TTN: variants seen among roughly 807,000 people sequenced by gnomAD.
TTN encodes the protein titin.
TTN carries 1,525 observed loss-of-function variants against 3,223.0 expected under a neutral mutation model. The observed-to-expected ratio is 0.47, with a 90% CI of 0.45 to 0.49. TTN has a LOEUF of 0.49. TTN is among the 20% of genes least tolerant of loss of function. The pLI, the probability that TTN is intolerant of heterozygous loss-of-function variation, is 0.00. For missense variants in TTN, 40,786 were observed against 43,424.0 expected, an observed-to-expected ratio of 0.94 and a Z score of 5.40; for synonymous variants, 14,094 against 15,161.0, an observed-to-expected ratio of 0.93 and a Z score of 5.17.
Position 178,783,722 on chromosome 2 carries a change from A to G in TTN, c.2839T>C (p.Ser947Pro). The G allele has an allele frequency of 6.2e-7, 1 of 1,613,516 alleles. No homozygotes were observed. The highest frequency in any genetic ancestry group is 8.5e-7 in the Non-Finnish European group (1 of 1,179,638). Reference sequence around the variant, plus strand: ...GCATTATCAACTTCTTTACTCACCGAGACCAAAGTTGGTGGAGTAACAGGA... The same window carrying G: ...GCATTATCAACTTCTTTACTCACCGGGACCAAAGTTGGTGGAGTAACAGGA... ...EIPVTPPTLV[S>P]GLKNVTVIEG... Residue 947 changes from serine (S) to proline (P), a missense_variant and splice_region_variant, in exon 17 of 363, where the codon TCG becomes CCG. Ser to Pro is a moderately conservative substitution (Grantham distance 74, BLOSUM62 -1). Coordinates refer to ENST00000589042, the MANE Select transcript of TTN (RefSeq NM_001267550.2).
chr2:178,544,549 G>C, intron 344 of TTN, 43 bp from the exon 345 acceptor site: 1 of 1,513,508 alleles, frequency 6.6e-7, no homozygotes, highest in Non-Finnish European at 9.0e-7. Flanking sequence ...AGGCAAATAA[G>C]GAAATGTTGA....
rs1298527822 is a variant in TTN at position 178,622,665 on chromosome 2, C to G, written c.44913+5G>C. On this transcript the variant is annotated splice_donor_5th_base_variant and intron_variant, in intron 243 of 362. Coordinates refer to ENST00000589042, the MANE Select transcript of TTN (RefSeq NM_001267550.2). Reference sequence around the variant, plus strand: ...GTACAAGATGACAGGTATACAGTCACAGACCTTAGCATTTTCTCGGGAAAG... The same window carrying G: ...GTACAAGATGACAGGTATACAGTCAGAGACCTTAGCATTTTCTCGGGAAAG... 2 of 1,600,290 alleles carry G rather than the reference C, an allele frequency of 1.2e-6. No homozygotes were observed. The highest frequency in any genetic ancestry group is 3.4e-5 in the Admixed American group (2 of 58,828).
At chr2:178,694,197 C>G (rs2073141482) in intron 117 of TTN, among the ~76,000 whole-genome samples, 189 bp from the exon 118 acceptor site, 1 of 152,056 alleles carries the variant, frequency 6.6e-6, no homozygotes, top group African/African-American at 2.4e-5. Flanking sequence ...ATGCATGCAG[C>G]CTTCATCAAA....
chr2:178,665,877 G>T, intron 163 of TTN, 86 bp from the exon 164 acceptor site: 1 of 605,216 alleles, frequency 1.7e-6, no homozygotes, highest in Non-Finnish European at 2.4e-6. Flanking sequence ...GAACATTCCA[G>T]ATGGGAACCT....
At position 178,604,273 on chromosome 2, in the gene TTN, C is replaced by G; in HGVS notation, c.54414G>C (p.Glu18138Asp). The change falls in exon 282 of 363, where the codon GAG becomes GAC. Residue 18138 changes from glutamate (E) to aspartate (D), a missense_variant. Glu to Asp is a conservative substitution (Grantham distance 45, BLOSUM62 2). Transcript: ENST00000589042. ...IWKLIPNGQYEFRVRAVNKYG... is the reference protein window; with the variant it reads ...IWKLIPNGQYDFRVRAVNKYG... Reference sequence around the variant, plus strand: ...ATTTATTCACTGCCCTGACTCGGAACTCATACTGACCATTGGGGATAAGTT... The same window carrying G: ...ATTTATTCACTGCCCTGACTCGGAAGTCATACTGACCATTGGGGATAAGTT... 6.5e-7 allele frequency: 1 copy of G among 1,534,432 alleles called. No homozygotes were observed. Among genetic ancestry groups the G allele is most frequent in the East Asian group, 2.3e-5 (1 of 43,624 alleles).
rs760917372 is a variant in TTN at position 178,539,192 on chromosome 2, T to C, written c.98743A>G (p.Ser32915Gly). The C allele has an allele frequency of 8.7e-6, 14 of 1,613,700 alleles. No individual in the cohort carries two copies. The Middle Eastern group carries it at 1.3e-3, about 152-fold the overall frequency. The change falls in exon 353 of 363, where the codon AGC becomes GGC. Residue 32915 changes from serine (S) to glycine (G), a missense_variant. Transcript: ENST00000589042. The stretch of plus-strand genomic sequence containing the variant: ...TCTTTGGGCCGGGACCAGGACAAGC[T>C]AACAGAACTCTTGGTTACATCGAGT... ...EVLDVTKSSV[S>G]LSWSRPKDDG...
chr2:178,529,596 T>A (rs761847059), intron 359 of TTN, among the ~76,000 whole-genome samples: 2 of 152,212 alleles, frequency 1.3e-5, no homozygotes, highest in Non-Finnish European at 2.9e-5. Flanking sequence ...ATAGAAATAG[T>A]TCTTTAATTA....
intron 349 of TTN, chr2:178,541,798 T>C (rs1402285774): frequency 1.1e-5 from 3 of 267,114 alleles, no homozygotes; most frequent in Non-Finnish European, 1.3e-5. Context: ...TTTTGACTTT[T>C]AGCTTCAGGG....
chr2:178,731,414 C>T lies in TTN; in HGVS notation c.17352G>A (p.Val5784=). The T allele has an allele frequency of 6.2e-7, 1 of 1,613,756 alleles. No homozygotes were observed. Among genetic ancestry groups the T allele is most frequent in the Non-Finnish European group, 8.5e-7 (1 of 1,179,780 alleles). ...CAATGCCACTGAGGTACAAACTGGCCACATTGTTCTCAAAGGTCATTCTTA... is the reference window on the plus strand; with the variant it reads ...CAATGCCACTGAGGTACAAACTGGCTACATTGTTCTCAAAGGTCATTCTTA... ...DNIRMTFENN[V]ASLYLSGIEV... is the part of the protein sequence containing the mutation. The change falls in exon 59 of 363, where the codon GTG becomes GTA. Residue 5784 remains valine (V), a synonymous_variant. Transcript: ENST00000589042.
chr2:178,727,757 C>T lies in TTN; in HGVS notation c.19821G>A (p.Trp6607Ter). The change falls in exon 68 of 363, where the codon TGG becomes TGA. Residue 6607 changes from tryptophan to a stop codon, truncating the protein, a stop_gained. Coordinates refer to ENST00000589042, the MANE Select transcript of TTN (RefSeq NM_001267550.2). LOFTEE classifies it high-confidence loss of function. ...AGACAAGTTCCACATCATCCTTAAA[C>T]CATTTTATTTTAAATGGTGGTGTTC... ...LKGTPPFKIK[W>*]FKDDVELVSG... 1 of 1,613,324 alleles carries T rather than the reference C, an allele frequency of 6.2e-7. No individual in the cohort carries two copies. Among genetic ancestry groups the T allele is most frequent in the Non-Finnish European group, 8.5e-7 (1 of 1,179,446 alleles).
At position 178,593,455 on chromosome 2, in the gene TTN, G is replaced by C; in HGVS notation, c.58753C>G (p.Gln19585Glu). Residue 19585 changes from glutamine to glutamate, a missense_variant, in exon 299 of 363, where the codon CAG becomes GAG. Physicochemically the swap from Gln to Glu is conservative, Grantham distance 29. Transcript: ENST00000589042. ...DRFRVPDAPD[Q>E]PIVTEVTKDS... Reference sequence around the variant, plus strand: ...TTGGTAACTTCTGTAACAATTGGCTGATCAGGTGCATCAGGAACCCCTGTA... The same window carrying C: ...TTGGTAACTTCTGTAACAATTGGCTCATCAGGTGCATCAGGAACCCCTGTA... 1.9e-6 allele frequency: 3 copies of C among 1,611,838 alleles called. No individual in the cohort carries two copies. Among genetic ancestry groups the C allele is most frequent in the Non-Finnish European group, 2.5e-6 (3 of 1,179,396 alleles).
rs920878697 is a variant in TTN at position 178,739,660 on chromosome 2, C to T, written c.13573G>A (p.Glu4525Lys). 3 of 1,613,880 alleles carry T rather than the reference C, an allele frequency of 1.9e-6. No individual in the cohort carries two copies. The highest frequency in any genetic ancestry group is 2.5e-6 in the Non-Finnish European group (3 of 1,179,834). The change falls in exon 48 of 363, where the codon GAA becomes AAA. Residue 4525 changes from glutamate to lysine, a missense_variant. Transcript: ENST00000589042. ...KVEPITEPEV[E>K]SKYLISTEEV... ...TCAGTTGAGATCAGATATTTAGATT[C>T]AACTTCTGGTTCAGTAATGGGTTCA...
At position 178,574,656 on chromosome 2, in the gene TTN, C is replaced by G. The variant is rs377751708; in HGVS notation, c.71476G>C (p.Val23826Leu). 42 of 1,613,028 alleles carry G rather than the reference C, an allele frequency of 2.6e-5. No individual in the cohort carries two copies. The highest frequency in any genetic ancestry group is 3.6e-5 in the Non-Finnish European group (42 of 1,179,436). ...TGAGGGGTACCAGGAGGTCCAGGAA[C>G]CTTAAATGGATAGTTGGCAACTATG... is the stretch of plus-strand genomic sequence containing the variant. Reference protein sequence around the residue: ...ACIVANYPFKVPGPPGTPQVT... With the variant: ...ACIVANYPFKLPGPPGTPQVT... The change falls in exon 326 of 363, where the codon GTT becomes CTT. Residue 23826 changes from valine (V) to leucine (L), a missense_variant. Physicochemically the swap from Val to Leu is conservative, Grantham distance 32. Transcript: ENST00000589042.
chr2:178,622,498 A>G (rs992087922), intron 243 of TTN, among the ~76,000 whole-genome samples, 172 bp downstream of exon 243: 1 of 151,952 alleles, frequency 6.6e-6, no homozygotes, highest in African/African-American at 2.4e-5. Flanking sequence ...AATTAATAAT[A>G]CTAAAAAGAG....
rs766081263 is a variant in TTN, at chr2:178,730,819, CA to C, written c.17741-28del. Reference sequence around the variant, plus strand: ...TATTCAATGAAAAAGCAAACAACAACAAAAAAAGGTCAATCTACTAATTTGT... The same window carrying C: ...TATTCAATGAAAAAGCAAACAACAACAAAAAAGGTCAATCTACTAATTTGT... On this transcript the variant is annotated intron_variant, in intron 60 of 362. Transcript: ENST00000589042. 5 of 1,536,570 alleles carry C rather than the reference CA, an allele frequency of 3.3e-6. No homozygotes were observed. The South Asian group carries it at 3.8e-5, about 12-fold the overall frequency.
At position 178,587,422 on chromosome 2, in the gene TTN, A is replaced by T. The variant is rs767131398; in HGVS notation, c.63794-5T>A. 14 of 1,604,734 alleles carry T rather than the reference A, an allele frequency of 8.7e-6. No individual in the cohort carries two copies. Among genetic ancestry groups the T allele is most frequent in the Non-Finnish European group, 1.2e-5 (14 of 1,175,760 alleles). On this transcript the variant is annotated splice_polypyrimidine_tract_variant and splice_region_variant and intron_variant, in intron 306 of 362. Transcript: ENST00000589042. Reference sequence around the variant, plus strand: ...CAGACACAGGCCCAGGAGTGTCTGTAAAGAATCATAAAATCAGATATACAT... The same window carrying T: ...CAGACACAGGCCCAGGAGTGTCTGTTAAGAATCATAAAATCAGATATACAT...
At chr2:178,749,197 T>C (rs766341685) in intron 47 of TTN, 1 of 1,611,122 alleles carries the variant, frequency 6.2e-7, no homozygotes, top group Non-Finnish European at 8.5e-7. Flanking sequence ...ATCTACCAAG[T>C]TTTCCAAAAT....
intron 78 of TTN, among the ~76,000 whole-genome samples, chr2:178,721,442 T>C (rs931592716): frequency 2.0e-5 from 3 of 151,940 alleles, no homozygotes; most frequent in Non-Finnish European, 4.4e-5. Context: ...TACATGTGCA[T>C]TTTTAATAGA....
At position 178,688,666 on chromosome 2, in the gene TTN, C is replaced by T. The variant is rs369265969; in HGVS notation, c.32197+11G>A. On this transcript the variant is annotated intron_variant, in intron 126 of 362. Transcript: ENST00000589042. ...ACAAACTCATTTATCCCCTGACTTC[C>T]GATTATATACCTTCGTGCCGCGTGA... The T allele has an allele frequency of 3.7e-4, 597 of 1,595,052 alleles. 1 individual carries two copies. Among genetic ancestry groups the T allele is most frequent in the Middle Eastern group, 1.8e-3 (11 of 6,038 alleles).
Sources: gnomAD v4.1 joint callset for allele counts (sites outside exome capture counted in the v4.1 genomes callset) on GRCh38, gnomAD v4.1.1 for gene constraint, MANE v1.5 for transcripts, NCBI Gene and HGNC (gene_info 2026-07-23, HGNC 2026-07-21) for gene names.